The following CLPB variants were observed in gnomAD, a reference collection of about 807,000 sequenced individuals.
CLPB encodes the protein mitochondrial disaggregase.
CLPB carries 40 observed loss-of-function variants against 78.4 expected under a neutral mutation model. The ratio of observed to expected loss-of-function variants is 0.51; its 90% CI spans 0.40 to 0.66. The LOEUF is 0.66. Ranked by LOEUF, CLPB falls within the 30% of genes least tolerant of loss-of-function variation. CLPB has a pLI of 0.00. For synonymous variants in CLPB, 333 were observed against 348.0 expected, an observed-to-expected ratio of 0.96 and a Z score of 0.48; for missense variants, 780 against 886.9, an observed-to-expected ratio of 0.88 and a Z score of 1.53.
At chr11:72,293,943 G>T in intron 15 of CLPB, 79 bp downstream of exon 15, 1 of 1,258,472 alleles carries the variant, frequency 7.9e-7, no homozygotes, top group South Asian at 1.3e-5. Flanking sequence ...GAGGCAGGCT[G>T]AGAGCTCAGG....
intron 7 of CLPB, among the ~76,000 whole-genome samples, chr11:72,309,936 A>T (rs539613089): frequency 9.2e-5 from 14 of 152,302 alleles, no homozygotes; most frequent in African/African-American, 3.4e-4. Flanking sequence ...CCAAGATCCT[A>T]ACTACTATAC....
chr11:72,378,795 T>C (rs890704560), intron 4 of CLPB, among the ~76,000 whole-genome samples: 1 of 152,052 alleles, frequency 6.6e-6, no homozygotes, highest in African/African-American at 2.4e-5. Flanking sequence ...CAGTGGGGAA[T>C]ACAAGGACAC....
At chr11:72,299,629 A>G (rs1949618648) in intron 11 of CLPB, among the ~76,000 whole-genome samples, 2 of 152,218 alleles carry the variant, frequency 1.3e-5, no homozygotes, top group African/African-American at 4.8e-5. Context: ...CTACTGTTGA[A>G]TTAAAACTAC....
At chr11:72,314,185 C>T (rs371949273) in intron 7 of CLPB, among the ~76,000 whole-genome samples, 311 of 152,246 alleles carry the variant, frequency 2.0e-3, no homozygotes, top group Middle Eastern at 6.8e-3. Context: ...CTGGCAGAGC[C>T]GAACACATGA....
intron 5 of CLPB, among the ~76,000 whole-genome samples, chr11:72,342,831 A>G (rs1313161002): frequency 6.6e-6 from 1 of 152,212 alleles, no homozygotes; most frequent in Non-Finnish European, 1.5e-5. Context: ...GCTTTTGTTC[A>G]TGCACTAAAA....
chr11:72,297,441 T>C (rs1404166858), intron 11 of CLPB, among the ~76,000 whole-genome samples: 3 of 152,114 alleles, frequency 2.0e-5, no homozygotes, highest in Non-Finnish European at 4.4e-5. Flanking sequence ...TCCCAAAGGG[T>C]CTATACACAA....
At chr11:72,373,544 T>C (rs1481123325) in intron 4 of CLPB, among the ~76,000 whole-genome samples, 1 of 152,132 alleles carries the variant, frequency 6.6e-6, no homozygotes, top group Non-Finnish European at 1.5e-5. Context: ...TCCTCATACT[T>C]CTCTCTACAT....
intron 6 of CLPB, among the ~76,000 whole-genome samples, chr11:72,324,652 G>T (rs115179412): frequency 6.6e-6 from 1 of 152,174 alleles, no homozygotes; most frequent in African/African-American, 2.4e-5. Context: ...ACTGTATCTG[G>T]CCCATACCAT....
chr11:72,390,196 G>C (rs987883751), intron 3 of CLPB, among the ~76,000 whole-genome samples: 1 of 152,084 alleles, frequency 6.6e-6, no homozygotes, highest in Non-Finnish European at 1.5e-5. Context: ...CCAGCACTCC[G>C]GGAGGCTGAG....
chr11:72,297,700 T>TGTGTGTGTGTGTGTGTGA (rs1294715631), intron 11 of CLPB, among the ~76,000 whole-genome samples: 9 of 121,966 alleles, frequency 7.4e-5, no homozygotes, highest in Non-Finnish European at 1.2e-4. Context: ...TGTGTGTGTG[T>TGTGTGTGTGTGTGTGTGA]GTGACATGTC....
chr11:72,298,750 G>T (rs553272195), intron 11 of CLPB, among the ~76,000 whole-genome samples: 1 of 152,242 alleles, frequency 6.6e-6, no homozygotes, highest in African/African-American at 2.4e-5. Context: ...TGCCCACCTC[G>T]GCCTTCCAAA....
intron 2 of CLPB, among the ~76,000 whole-genome samples, chr11:72,408,602 G>A (rs1855780409): frequency 6.6e-6 from 1 of 151,310 alleles, no homozygotes; most frequent in South Asian, 2.1e-4. Flanking sequence ...AGGAGGCGGA[G>A]GTTGCAGTGA....
intron 5 of CLPB, chr11:72,354,220 C>T: frequency 5.2e-6 from 2 of 386,468 alleles, no homozygotes; most frequent in Non-Finnish European, 9.1e-6. Flanking sequence ...CTTTGAAGCA[C>T]ATACAAAAAA....
chr11:72,296,760 C>A (rs544130501), intron 11 of CLPB, among the ~76,000 whole-genome samples: 105 of 152,232 alleles, frequency 6.9e-4, no homozygotes, highest in African/African-American at 2.5e-3. Context: ...ATCACTGTGT[C>A]CCAGAACAGC....
At chr11:72,361,117 A>T (rs113245388) in intron 4 of CLPB, among the ~76,000 whole-genome samples, 1 of 152,208 alleles carries the variant, frequency 6.6e-6, no homozygotes, top group African/African-American at 2.4e-5. Flanking sequence ...CAGATAACCT[A>T]ATGTGGATGG....
chr11:72,326,861 T>A (rs1158804310), intron 6 of CLPB, among the ~76,000 whole-genome samples: 1 of 152,106 alleles, frequency 6.6e-6, no homozygotes, highest in Non-Finnish European at 1.5e-5. Context: ...GGAGGAAAAA[T>A]GCAGAACAGA....
At chr11:72,374,068 C>T (rs1590863315) in intron 4 of CLPB, among the ~76,000 whole-genome samples, 1 of 151,906 alleles carries the variant, frequency 6.6e-6, no homozygotes, top group African/African-American at 2.4e-5. Flanking sequence ...GCCAGATAAT[C>T]CAATGACCCA....
In CLPB at chr11:72,294,455, AGGTTAGG is replaced by A. The variant is rs1166987571; in HGVS notation, c.1561-18_1561-12del. On this transcript the variant is annotated splice_polypyrimidine_tract_variant and intron_variant, in intron 13 of 15. Transcript: ENST00000538039. ...CCTCCGGAAGTGAGCCTGAAGGGCC[AGGTTAGG>A]GGTGGGATGAGCTCAGTGACCCAGA... 3 of 1,614,028 alleles carry A rather than the reference AGGTTAGG, an allele frequency of 1.9e-6. No homozygotes were observed. Among genetic ancestry groups the A allele is most frequent in the Non-Finnish European group, 2.5e-6 (3 of 1,179,978 alleles).
chr11:72,289,489 A>C lies in CLPB; in HGVS notation c.*3878T>G, dbSNP rs1590747203. On this transcript the variant is annotated 3_prime_UTR_variant, in exon 16 of 16. Transcript: ENST00000538039. ...ACAGAGATAGCAGGAGAAAAAGCAG[A>C]AAAAGAATAGTAAGGTTATAAAAAT... 1 of 152,348 alleles carries C rather than the reference A, an allele frequency of 6.6e-6. No individual in the cohort carries two copies. Among genetic ancestry groups the C allele is most frequent in the Admixed American group, 6.5e-5 (1 of 15,296 alleles). 9.4% of individuals were successfully genotyped at this position (152,348 alleles called of 1,614,324 possible). A position where few individuals can be genotyped will look rare whatever the true frequency, so the allele number is the denominator to read the frequency against.
Sources: gnomAD v4.1 joint callset for allele counts (sites outside exome capture counted in the v4.1 genomes callset) on GRCh38, gnomAD v4.1.1 for gene constraint, MANE v1.5 for transcripts, NCBI Gene and HGNC (gene_info 2026-07-23, HGNC 2026-07-21) for gene names.